Variants in PDLIM7 observed in about 807,000 individuals in gnomAD.
PDLIM7 encodes PDZ and LIM domain 7.
Under a neutral mutation model 53.9 loss-of-function variants are expected in PDLIM7, and 37 were observed. That is an observed-to-expected ratio of 0.69 (90% confidence interval 0.53 to 0.90). PDLIM7 has a LOEUF of 0.90. Among genes scored for constraint, PDLIM7 ranks in the 40% least tolerant of loss-of-function variants. The pLI is 0.00. For missense variants in PDLIM7, 617 were observed against 638.5 expected (o/e 0.97, Z 0.36); for synonymous variants, 300 against 261.3 (o/e 1.15, Z -1.43).
rs1236030924 is a variant in PDLIM7 at position 177,484,066 on chromosome 5, G to A, written c.1171+4C>T. 2.5e-6 allele frequency: 4 copies of A among 1,613,918 alleles called. No individual in the cohort carries two copies. Among genetic ancestry groups the A allele is most frequent in the Admixed American group, 1.7e-5 (1 of 60,010 alleles). On this transcript the variant is annotated splice_donor_region_variant and intron_variant, in intron 11 of 12. Transcript: ENST00000355841. ...CCTCCTCACCCTCACTGGCCAGTGG[G>A]TACCTCGCTCGCAATAGGGCACGCC...
At chr5:177,489,351 C>T (rs1331902422) in intron 9 of PDLIM7, 42 bp downstream of exon 9, 2 of 1,427,848 alleles carry the variant, frequency 1.4e-6, no homozygotes, top group Admixed American at 4.2e-5. Flanking sequence ...GGCTGGGCTG[C>T]AGGATGGGAA....
chr5:177,491,859 C>A lies in PDLIM7; in HGVS notation c.346G>T (p.Ala116Ser). ...GGCGGGGGCGCCCCAAAGGGCCGGG[C>A]CGTCTTGTTGAGGGAGACGCTGGGT... is the stretch of plus-strand genomic sequence containing the variant. ...FAPSVSLNKT[A>S]RPFGAPPPAD... Residue 116 changes from alanine (A) to serine (S), a missense_variant, in exon 5 of 13, where the codon GCC (alanine) becomes TCC (serine). By Grantham distance (99) the Ala-to-Ser change is moderately conservative. Coordinates refer to ENST00000355841, the MANE Select transcript of PDLIM7 (RefSeq NM_005451.5). 5.5e-6 allele frequency: 7 copies of A among 1,280,576 alleles called. No individual in the cohort carries two copies. Among genetic ancestry groups the A allele is most frequent in the Non-Finnish European group, 6.9e-6 (7 of 1,010,084 alleles). The allele number at this position is 1,280,576 out of a possible 1,614,324, so 79.3% of individuals were successfully genotyped here.
Position 177,489,550 on chromosome 5 carries a change from T to C in PDLIM7, c.712A>G (p.Lys238Glu), listed in dbSNP as rs904209014. The C allele has an allele frequency of 4.3e-6, 7 of 1,610,782 alleles. No individual in the cohort carries two copies. Among genetic ancestry groups the C allele is most frequent in the Admixed American group, 1.7e-5 (1 of 59,750 alleles). The change falls in exon 9 of 13, where the codon AAA becomes GAA. Residue 238 changes from lysine (K) to glutamate (E), a missense_variant. Transcript: ENST00000355841. ...TGCCGGGTCAGCACTGTGCTCGTTTTGTCCGGGGCATAGCGCTCGGCAAAC... is the reference window on the plus strand; with the variant it reads ...TGCCGGGTCAGCACTGTGCTCGTTTCGTCCGGGGCATAGCGCTCGGCAAAC... The part of the protein sequence containing the change: ...PAFAERYAPD[K>E]TSTVLTRHSQ...
chr5:177,490,672 A>G, intron 7 of PDLIM7, 198 bp downstream of exon 7: 7 of 850,676 alleles, frequency 8.2e-6, no homozygotes, highest in Non-Finnish European at 1.3e-5. Context: ...GAGGGAAGGA[A>G]GGAGGGAGGG....
Position 177,492,182 on chromosome 5 carries a change from GCAGGCGGACAGA to G in PDLIM7, c.279+211_279+222del, listed in dbSNP as rs539593377. The G allele has an allele frequency of 2.4e-3, 1,525 of 636,866 alleles. 5 individuals are homozygous for G. The highest frequency in any genetic ancestry group is 3.0e-3 in the Non-Finnish European group (1,129 of 373,174). The allele number at this position is 636,866 out of a possible 1,614,324, so 39.5% of individuals were successfully genotyped here. ...CACGCAGCGCCGGCGGCGGGAGGCA[GCAGGCGGACAGA>G]CAGGCGGACAGACAGGCGGACATGC... On this transcript the variant is annotated intron_variant, in intron 4 of 12. Transcript: ENST00000355841.
intron 4 of PDLIM7, 98 bp from the exon 5 acceptor site, chr5:177,492,023 G>GGCC: frequency 1.9e-6 from 1 of 514,348 alleles, no homozygotes; most frequent in African/African-American, 2.0e-5. Context: ...GGCAGCTCCA[G>GGCC]CCCCCCACCC....
At chr5:177,490,693 A>AG (rs1758710194) in intron 7 of PDLIM7, 177 bp downstream of exon 7, 1 of 887,914 alleles carries the variant, frequency 1.1e-6, no homozygotes, top group African/African-American at 1.8e-5. Context: ...AAGAAATGAA[A>AG]GAAGGAAGGA....
At position 177,492,301 on chromosome 5, in the gene PDLIM7, C is replaced by G. The variant is rs919690110; in HGVS notation, c.279+104G>C. On this transcript the variant is annotated intron_variant, in intron 4 of 12. Transcript: ENST00000355841. ...TTAGCTCCGGTTTCTGCCCTCCACT[C>G]CCGGCCAGGGATTGGGGTACCGAGA... 4.8e-6 allele frequency: 7 copies of G among 1,456,266 alleles called. No individual in the cohort carries two copies. In the African/African-American group the frequency reaches 5.6e-5, roughly 12 times the overall value. The allele number at this position is 1,456,266 out of a possible 1,614,324, so 90.2% of individuals were successfully genotyped here.
intron 7 of PDLIM7, chr5:177,490,343 G>C: frequency 2.8e-6 from 4 of 1,452,674 alleles, no homozygotes; most frequent in Non-Finnish European, 3.6e-6. Flanking sequence ...GATGAACCCA[G>C]GTGGGCGGCC....
In PDLIM7 at chr5:177,492,211, C is replaced by T. The variant is rs935618580; in HGVS notation, c.279+194G>A. On this transcript the variant is annotated intron_variant, in intron 4 of 12. Coordinates refer to ENST00000355841, the MANE Select transcript of PDLIM7 (RefSeq NM_005451.5). ...GCGGACAGACAGGCGGACAGACAGG[C>T]GGACATGCGTGGTGCCAGGACCGTG... 399 of 679,100 alleles carry T rather than the reference C, an allele frequency of 5.9e-4. 2 individuals are homozygous for T. Among genetic ancestry groups the T allele is most frequent in the Non-Finnish European group, 1.3e-4 (52 of 410,746 alleles). The allele number at this position is 679,100 out of a possible 1,614,324, so 42.1% of individuals were successfully genotyped here. A position where few individuals can be genotyped will look rare whatever the true frequency, so the allele number is the denominator to read the frequency against.
chr5:177,483,763 T>G, intron 12 of PDLIM7, 33 bp from the exon 13 acceptor site: 1 of 1,590,392 alleles, frequency 6.3e-7, no homozygotes, highest in Non-Finnish European at 8.6e-7. Flanking sequence ...CACATGGGGT[T>G]GGGGGCAGCA....
chr5:177,491,481 A>C, intron 5 of PDLIM7: 3 of 1,358,042 alleles, frequency 2.2e-6, no homozygotes, highest in Non-Finnish European at 3.1e-6. Flanking sequence ...ACAGGAGAGG[A>C]AGAAAGACGG....
intron 2 of PDLIM7, among the ~76,000 whole-genome samples, chr5:177,493,146 C>T (rs1013834208): frequency 2.0e-5 from 3 of 152,198 alleles, no homozygotes; most frequent in African/African-American, 4.8e-5. Context: ...GCTTCCTCCC[C>T]GAAACCACCG....
At chr5:177,486,658 GACAA>G (rs1758459492) in intron 10 of PDLIM7, among the ~76,000 whole-genome samples, 1 of 152,060 alleles carries the variant, frequency 6.6e-6, no homozygotes, top group Non-Finnish European at 1.5e-5. Flanking sequence ...TTCTTTTTGA[GACAA>G]GAGTCTCGCT....
chr5:177,495,645 G>C (rs1004666092), intron 2 of PDLIM7, among the ~76,000 whole-genome samples: 2 of 152,210 alleles, frequency 1.3e-5, no homozygotes, highest in African/African-American at 4.8e-5. Context: ...CAGCTCTGCA[G>C]ACCGCAGCCA....
chr5:177,488,331 C>A (rs950841682), intron 9 of PDLIM7, 83 bp from the exon 10 acceptor site: 8 of 1,192,766 alleles, frequency 6.7e-6, no homozygotes, highest in Non-Finnish European at 9.3e-6. Context: ...TGACCACCCA[C>A]CAGGAGGCCT....
chr5:177,490,386 G>A (rs1561702696), intron 7 of PDLIM7: 7 of 1,480,664 alleles, frequency 4.7e-6, no homozygotes, highest in Middle Eastern at 2.4e-4. Flanking sequence ...CAGGCCAGGG[G>A]CACGAAAGGG....
chr5:177,483,546 G>T lies in PDLIM7; in HGVS notation c.*98C>A. ...CCCCAGGCTCGGGCCAGGAGCCAGG[G>T]TTAAGGCAACCATTGCCAGCCCTAC... On this transcript the variant is annotated 3_prime_UTR_variant, in exon 13 of 13. Coordinates refer to ENST00000355841, the MANE Select transcript of PDLIM7 (RefSeq NM_005451.5). 1 of 908,862 alleles carries T rather than the reference G, an allele frequency of 1.1e-6. No individual in the cohort carries two copies. The highest frequency in any genetic ancestry group is 1.7e-6 in the Non-Finnish European group (1 of 587,746). 56.3% of individuals were successfully genotyped at this position (908,862 alleles called of 1,614,324 possible).
intron 2 of PDLIM7, among the ~76,000 whole-genome samples, chr5:177,495,718 G>T (rs1462963360): frequency 6.6e-6 from 1 of 152,066 alleles, no homozygotes; most frequent in Non-Finnish European, 1.5e-5. Flanking sequence ...CCTGCTACAG[G>T]GAGGAGCCAG....
Sources: allele counts gnomAD v4.1 joint callset (sites outside exome capture counted in the v4.1 genomes callset), GRCh38; gene constraint gnomAD v4.1.1; transcripts MANE v1.5; gene names NCBI Gene and HGNC (gene_info 2026-07-23, HGNC 2026-07-21).